Variants in NLRP4 observed in about 807,000 individuals in gnomAD.
NLRP4 encodes NACHT, LRR and PYD domains-containing protein 4.
Under a neutral mutation model 84.7 loss-of-function variants are expected in NLRP4, and 44 were observed. The observed-to-expected ratio is 0.52, with a 90% CI of 0.41 to 0.67. NLRP4 has a LOEUF of 0.67. Among genes scored for constraint, NLRP4 ranks in the 30% least tolerant of loss-of-function variants. The pLI is 0.00. For synonymous variants in NLRP4, 544 were observed against 476.4 expected, an observed-to-expected ratio of 1.14 and a Z score of -1.85; for missense variants, 1,260 against 1,219.4, an observed-to-expected ratio of 1.03 and a Z score of -0.50.
At chr19:55,855,615 A>G (rs1984380545) in intron 2 of NLRP4, among the ~76,000 whole-genome samples, 1 of 152,262 alleles carries the variant, frequency 6.6e-6, no homozygotes, top group Non-Finnish European at 1.5e-5. Flanking sequence ...ACTGGATTAT[A>G]TCTTTCACCT....
intron 2 of NLRP4, among the ~76,000 whole-genome samples, chr19:55,855,764 TA>T (rs1568662576): frequency 6.6e-6 from 1 of 152,266 alleles, no homozygotes; most frequent in East Asian, 1.9e-4. Context: ...AAGGAACAGA[TA>T]ACTGTAAAGG....
At chr19:55,849,053 C>T (rs908681420) in intron 1 of NLRP4, among the ~76,000 whole-genome samples, 2 of 152,132 alleles carry the variant, frequency 1.3e-5, no homozygotes, top group African/African-American at 4.8e-5. Context: ...TATAAATTAC[C>T]CAGTCTTGGG....
In NLRP4 at chr19:55,861,203, G is replaced by A. The variant is rs182104895; in HGVS notation, c.1857-183G>A. The stretch of plus-strand genomic sequence containing the variant: ...CCCCAAATGTCCCCTGGGGGGAAAC[G>A]TCACCCCAGGTTGAGAACCACTAAC... On this transcript the variant is annotated intron_variant, in intron 3 of 9. Transcript: ENST00000301295. Among the ~76,000 whole-genome samples, 341 of 152,272 alleles carry A rather than the reference G, an allele frequency of 2.2e-3. 4 individuals carry two copies. The highest frequency in any genetic ancestry group is 7.7e-3 in the African/African-American group (322 of 41,564).
intron 1 of NLRP4, among the ~76,000 whole-genome samples, chr19:55,845,602 A>G (rs562044991): frequency 2.0e-5 from 3 of 152,096 alleles, no homozygotes; most frequent in South Asian, 4.1e-4. Flanking sequence ...GAATCACCAC[A>G]CCGACTTCCA....
At position 55,859,106 on chromosome 19, in the gene NLRP4, C is replaced by T; in HGVS notation, c.1713C>T (p.Asn571=). The change falls in exon 3 of 10, where the codon AAC becomes AAT. Residue 571 remains asparagine, a synonymous_variant. Coordinates refer to ENST00000301295, the MANE Select transcript of NLRP4 (RefSeq NM_134444.5). ...QDPAFVKQAV[N]LLQEANFHII... ...CTGCCTTTGTGAAGCAGGCAGTGAA[C>T]CTCCTCCAAGAAGCTAACTTTCATA... 1 of 1,613,994 alleles carries T rather than the reference C, an allele frequency of 6.2e-7. No homozygotes were observed. The highest frequency in any genetic ancestry group is 8.5e-7 in the Non-Finnish European group (1 of 1,179,906).
Position 55,852,060 on chromosome 19 carries a change from G to T in NLRP4, c.-21G>T. 6.4e-7 allele frequency: 1 copy of T among 1,571,250 alleles called. No individual in the cohort carries two copies. The highest frequency in any genetic ancestry group is 1.2e-5 in the South Asian group (1 of 83,904). On this transcript the variant is annotated 5_prime_UTR_variant, in exon 2 of 10. Coordinates refer to ENST00000301295, the MANE Select transcript of NLRP4 (RefSeq NM_134444.5). ...CCTGGTCACTGTCTCTTTGAGGATT[G>T]GTATCTCTGCTCCAGAAAAGATGGC...
Position 55,836,562 on chromosome 19 carries a change from G to C in NLRP4, c.-438G>C, listed in dbSNP as rs1057498501. 6.6e-6 allele frequency: 1 copy of C among 152,340 alleles called. No individual in the cohort carries two copies. Among genetic ancestry groups the C allele is most frequent in the Non-Finnish European group, 1.5e-5 (1 of 68,052 alleles). The allele number at this position is 152,340 out of a possible 1,614,324, so 9.4% of individuals were successfully genotyped here. A position where few individuals can be genotyped will look rare whatever the true frequency, so the allele number is the denominator to read the frequency against. ...ATTAAGGACCAGGAAGGCGTGGAGC[G>C]GTGAGTCAGCGCTTCGTGCTGGGCT... On this transcript the variant is annotated 5_prime_UTR_variant, in exon 1 of 10. Coordinates refer to ENST00000301295, the MANE Select transcript of NLRP4 (RefSeq NM_134444.5).
intron 8 of NLRP4, 141 bp from the exon 9 acceptor site, chr19:55,878,653 A>C (rs192536933): frequency 3.2e-6 from 2 of 628,808 alleles, no homozygotes; most frequent in Non-Finnish European, 5.4e-6. Flanking sequence ...CAGACGCGTG[A>C]TCTGAGGTCG....
chr19:55,881,136 C>CGTGTGTGTGTGT (rs56806641), intron 9 of NLRP4, among the ~76,000 whole-genome samples: 3,524 of 139,512 alleles, frequency 0.025, 120 homozygotes, highest in African/African-American at 0.07. Context: ...GTGAGAGCCA[C>CGTGTGTGTGTGT]GTGTGTGTGT....
rs138980016 is a variant in NLRP4, at chr19:55,868,705, T to C, written c.2354+829T>C. On this transcript the variant is annotated intron_variant, in intron 6 of 9. Transcript: ENST00000301295. ...TTAGTAGAGATGGGGTTTCTCCACG[T>C]TGGTCAGGCTGGTCTCGAGTGTGTC... Among the ~76,000 whole-genome samples, 562 of 152,148 alleles carry C rather than the reference T, an allele frequency of 3.7e-3. 7 individuals carry two copies. Among genetic ancestry groups the C allele is most frequent in the East Asian group, 0.025 (127 of 5,156 alleles).
chr19:55,849,830 G>GTGGCCGCGGTGT (rs1568657835), intron 1 of NLRP4, among the ~76,000 whole-genome samples: 5 of 147,002 alleles, frequency 3.4e-5, no homozygotes, highest in African/African-American at 1.4e-4. Context: ...TGTAATTTCC[G>GTGGCCGCGGTGT]AAGCTGCGGT....
intron 8 of NLRP4, among the ~76,000 whole-genome samples, chr19:55,878,138 A>C (rs1293024982): frequency 1.3e-5 from 2 of 152,026 alleles, no homozygotes; most frequent in Non-Finnish European, 2.9e-5. Flanking sequence ...GGCGTGGTGC[A>C]TGCCTGTAGC....
At chr19:55,871,843 A>AT (rs780692555) in intron 7 of NLRP4, among the ~76,000 whole-genome samples, 1 of 137,700 alleles carries the variant, frequency 7.3e-6, no homozygotes, top group African/African-American at 2.8e-5. Context: ...AAACAGAAAT[A>AT]ATCTTTTTTT....
chr19:55,846,481 C>T (rs564080581), intron 1 of NLRP4, among the ~76,000 whole-genome samples: 2 of 152,272 alleles, frequency 1.3e-5, no homozygotes, highest in Admixed American at 6.5e-5. Context: ...AGCAAAGCAC[C>T]AGCAATGTTC....
intron 2 of NLRP4, among the ~76,000 whole-genome samples, chr19:55,856,669 C>T (rs895981337): frequency 6.6e-6 from 1 of 151,948 alleles, no homozygotes; most frequent in African/African-American, 2.4e-5. Flanking sequence ...GCACACACCA[C>T]CACGCCCGGC....
chr19:55,871,012 G>A lies in NLRP4; in HGVS notation c.2525+15G>A. The A allele has an allele frequency of 2.5e-6, 4 of 1,611,512 alleles. No individual in the cohort carries two copies. Among genetic ancestry groups the A allele is most frequent in the African/African-American group, 1.3e-5 (1 of 74,982 alleles). On this transcript the variant is annotated intron_variant, in intron 7 of 9. Transcript: ENST00000301295. ...GATTCACTGTGGTAGGCTTTTTGCT[G>A]TTTCTTTGAAGACCAAGCCGTCTTT...
chr19:55,856,837 T>C (rs1165778976), intron 2 of NLRP4, among the ~76,000 whole-genome samples: 1 of 152,146 alleles, frequency 6.6e-6, no homozygotes, highest in Non-Finnish European at 1.5e-5. Context: ...TTGATTGGCT[T>C]TTCTTTTGAG....
intron 2 of NLRP4, among the ~76,000 whole-genome samples, chr19:55,856,664 C>CTGT (rs1468492473): frequency 5.9e-5 from 9 of 151,314 alleles, no homozygotes; most frequent in Non-Finnish European, 1.0e-4. Context: ...TACAGGCACA[C>CTGT]ACCACCACGC....
intron 1 of NLRP4, among the ~76,000 whole-genome samples, chr19:55,841,624 A>C (rs543631367): frequency 6.6e-6 from 1 of 152,260 alleles, no homozygotes; most frequent in African/African-American, 2.4e-5. Context: ...GCACTTTGGG[A>C]GGCCGAGGCA....
Sources: gnomAD v4.1 joint callset for allele counts (sites outside exome capture counted in the v4.1 genomes callset) on GRCh38, gnomAD v4.1.1 for gene constraint, MANE v1.5 for transcripts, NCBI Gene and HGNC (gene_info 2026-07-23, HGNC 2026-07-21) for gene names.